FSD1L: variants seen among roughly 807,000 people sequenced by gnomAD.
The protein encoded by FSD1L is FSD1-like protein.
Under a neutral mutation model 71.6 loss-of-function variants are expected in FSD1L, and 45 were observed. That is an observed-to-expected ratio of 0.63 (90% CI 0.49 to 0.81). The LOEUF (loss-of-function observed/expected upper bound fraction) is 0.81, where lower values mean the gene tolerates loss of function less well. Among genes scored for constraint, FSD1L ranks in the 30% least tolerant of loss-of-function variants. The pLI is 0.00. For synonymous variants in FSD1L, 197 were observed against 207.2 expected (o/e 0.95, Z 0.42); for missense variants, 561 against 618.1 (o/e 0.91, Z 0.98).
chr9:105,509,251 T>C (rs939010426), intron 9 of FSD1L, among the ~76,000 whole-genome samples: 12 of 152,224 alleles, frequency 7.9e-5, no homozygotes, highest in Non-Finnish European at 1.8e-4. Context: ...AGTTTTCATA[T>C]ATTAAATGAC....
chr9:105,509,424 G>A lies in FSD1L; in HGVS notation c.895+709G>A, dbSNP rs138420862. On this transcript the variant is annotated intron_variant, in intron 9 of 13. Transcript: ENST00000481272. ...CTAGAGTAGCAGACTTGAATACAGA[G>A]GATTTTTTAGATATTTACCAATTTG... is the stretch of plus-strand genomic sequence containing the variant. Among the ~76,000 whole-genome samples the A allele has an allele frequency of 1.1e-4, 16 of 152,196 alleles. No homozygotes were observed. In the East Asian group the frequency reaches 3.1e-3, roughly 29 times the overall value.
chr9:105,497,256 A>C (rs1423061292), intron 7 of FSD1L, among the ~76,000 whole-genome samples: 1 of 86,050 alleles, frequency 1.2e-5, no homozygotes, highest in Non-Finnish European at 2.3e-5. Flanking sequence ...TAATTGTTGG[A>C]TTTGATTTGC....
chr9:105,499,916 A>G (rs565852384), intron 7 of FSD1L, among the ~76,000 whole-genome samples: 4 of 152,112 alleles, frequency 2.6e-5, no homozygotes, highest in African/African-American at 9.6e-5. Flanking sequence ...GCAGGTTTCT[A>G]TTGAGAGATC....
Position 105,520,932 on chromosome 9 carries a change from T to A in FSD1L, c.1025+7996T>A. On this transcript the variant is annotated intron_variant, in intron 10 of 13. Transcript: ENST00000481272. The stretch of plus-strand genomic sequence containing the variant: ...AGTCATTCAGGTAAAAAGTTTAGAA[T>A]GGAAGAACAAAGAAAACCAAGAAAG... The A allele has an allele frequency of 1.9e-6, 3 of 1,612,032 alleles. 1 individual carries two copies. Among genetic ancestry groups the A allele is most frequent in the East Asian group, 2.2e-5 (1 of 44,880 alleles).
At chr9:105,498,966 A>C (rs183822154) in intron 7 of FSD1L, among the ~76,000 whole-genome samples, 2 of 152,118 alleles carry the variant, frequency 1.3e-5, no homozygotes, top group East Asian at 1.9e-4. Context: ...TTGCAGCTAT[A>C]TATCTTTTTC....
chr9:105,467,320 C>T (rs1446605268), intron 3 of FSD1L, among the ~76,000 whole-genome samples: 2 of 152,114 alleles, frequency 1.3e-5, no homozygotes, highest in Non-Finnish European at 2.9e-5. Flanking sequence ...AGTGCCAGTT[C>T]GCTTCTCTTA....
At chr9:105,477,753 A>G (rs543620427) in intron 5 of FSD1L, among the ~76,000 whole-genome samples, 2 of 152,302 alleles carry the variant, frequency 1.3e-5, no homozygotes, top group African/African-American at 4.8e-5. Flanking sequence ...AACATTTTCT[A>G]TCTCTGGTAC....
intron 10 of FSD1L, among the ~76,000 whole-genome samples, chr9:105,516,029 C>G (rs1482447359): frequency 6.6e-6 from 1 of 152,132 alleles, no homozygotes; most frequent in African/African-American, 2.4e-5. Context: ...TCTGCCATTG[C>G]TGAGGCTTGA....
chr9:105,474,933 AT>A (rs1831695311), intron 5 of FSD1L, among the ~76,000 whole-genome samples: 1 of 152,064 alleles, frequency 6.6e-6, no homozygotes, highest in South Asian at 2.1e-4. Context: ...ACCTTCACTA[AT>A]TTTTTTTAAC....
In FSD1L at chr9:105,547,697, T is replaced by C. The variant is rs569430545; in HGVS notation, c.*1214T>C. 1.0e-3 allele frequency: 152 copies of C among 152,236 alleles called. 3 individuals carry two copies. The highest frequency in any genetic ancestry group is 3.4e-3 in the African/African-American group (142 of 41,570). 9.4% of individuals were successfully genotyped at this position (152,236 alleles called of 1,614,324 possible). On this transcript the variant is annotated 3_prime_UTR_variant, in exon 14 of 14. Transcript: ENST00000481272. The stretch of plus-strand genomic sequence containing the variant: ...AAACTTGGGGTAAAACCCATGGTTA[T>C]GTGGAACATAACTGTTCTTAAAAAG...
chr9:105,458,171 A>G (rs1017931533), intron 1 of FSD1L, among the ~76,000 whole-genome samples: 1 of 152,144 alleles, frequency 6.6e-6, no homozygotes, highest in Admixed American at 6.5e-5. Context: ...CAGCCGCCTG[A>G]TGCTGGTGGA....
chr9:105,506,595 A>G lies in FSD1L; in HGVS notation c.783A>G (p.Glu261=). 2 of 1,543,404 alleles carry G rather than the reference A, an allele frequency of 1.3e-6. No homozygotes were observed. The highest frequency in any genetic ancestry group is 1.2e-5 in the South Asian group (1 of 83,816). ...WEIIDNIKGT[E]YTLSGLKFDS... is the part of the protein sequence containing the mutation. ...TAATTGATAATATTAAGGGTACTGA[A>G]TATACACTATCAGGTAACATGACTG... is the stretch of plus-strand genomic sequence containing the variant. The change falls in exon 8 of 14, where the codon GAA becomes GAG. Residue 261 remains glutamate, a synonymous_variant. Coordinates refer to ENST00000481272, the MANE Select transcript of FSD1L (RefSeq NM_001145313.3).
intron 1 of FSD1L, among the ~76,000 whole-genome samples, chr9:105,448,693 G>T (rs75160727): frequency 1.3e-3 from 203 of 152,272 alleles, no homozygotes; most frequent in Non-Finnish European, 2.4e-3. Flanking sequence ...TCAGCACCAC[G>T]CTCTTTAGGT....
intron 10 of FSD1L, chr9:105,524,950 C>T (rs1031281530): frequency 1.5e-5 from 24 of 1,613,650 alleles, no homozygotes; most frequent in Non-Finnish European, 1.9e-5. Context: ...ATAATACAAC[C>T]TTAGTGTCCT....
Position 105,546,710 on chromosome 9 carries a change from A to T in FSD1L, c.*227A>T, listed in dbSNP as rs1470628595. On this transcript the variant is annotated 3_prime_UTR_variant, in exon 14 of 14. Coordinates refer to ENST00000481272, the MANE Select transcript of FSD1L (RefSeq NM_001145313.3). ...GCAAAAAACTGATGATTGAAGAGTA[A>T]ATGGGGGAAAAGGCAGTGTTTAATT... 8 of 320,420 alleles carry T rather than the reference A, an allele frequency of 2.5e-5. No individual in the cohort carries two copies. The highest frequency in any genetic ancestry group is 2.5e-4 in the South Asian group (2 of 8,022). The allele number at this position is 320,420 out of a possible 1,614,324, so 19.8% of individuals were successfully genotyped here.
chr9:105,508,150 C>T (rs1328396063), intron 8 of FSD1L, among the ~76,000 whole-genome samples: 3 of 150,544 alleles, frequency 2.0e-5, no homozygotes, highest in African/African-American at 4.9e-5. Flanking sequence ...AGGCGTGAGC[C>T]ACTGCGCCCG....
chr9:105,531,156 T>C (rs6477448), intron 10 of FSD1L, among the ~76,000 whole-genome samples: 3,582 of 152,324 alleles, frequency 0.024, 155 homozygotes, highest in African/African-American at 0.082. Context: ...AAATTCTTAA[T>C]TTAAAAACCA....
intron 7 of FSD1L, among the ~76,000 whole-genome samples, chr9:105,487,305 G>A (rs1171481345): frequency 2.0e-5 from 3 of 152,056 alleles, no homozygotes; most frequent in Non-Finnish European, 2.9e-5. Flanking sequence ...GGAAGTGGAA[G>A]TACATTTTTA....
intron 6 of FSD1L, 65 bp from the exon 7 acceptor site, chr9:105,484,315 TA>T: frequency 8.3e-7 from 1 of 1,198,364 alleles, no homozygotes; most frequent in Non-Finnish European, 1.1e-6. Context: ...TTTCATTTTA[TA>T]AATTAAATAT....
Sources: gnomAD v4.1 joint callset for allele counts (sites outside exome capture counted in the v4.1 genomes callset) on GRCh38, gnomAD v4.1.1 for gene constraint, MANE v1.5 for transcripts, NCBI Gene and HGNC (gene_info 2026-07-23, HGNC 2026-07-21) for gene names.